Variants in AVL9 observed in about 807,000 individuals in gnomAD.
The protein encoded by AVL9 is AVL9 cell migration associated.
A neutral mutation model predicts 79.2 loss-of-function variants in AVL9; 49 were observed. The observed-to-expected ratio is 0.62, with a 90% confidence interval of 0.49 to 0.79. The LOEUF is 0.79. Ranked by LOEUF, AVL9 falls within the 30% of genes least tolerant of loss-of-function variation. The pLI is 0.00. For synonymous variants in AVL9, 299 were observed against 280.6 expected, an observed-to-expected ratio of 1.07 and a Z score of -0.65; for missense variants, 682 against 776.8, an observed-to-expected ratio of 0.88 and a Z score of 1.45.
At chr7:32,565,705 T>A (rs1189363292) in intron 10 of AVL9, among the ~76,000 whole-genome samples, 3 of 151,196 alleles carry the variant, frequency 2.0e-5, no homozygotes, top group Non-Finnish European at 2.9e-5. Context: ...CTCTACTAAG[T>A]AAAGTCAAAA....
At chr7:32,530,464 C>T (rs765695389) in intron 1 of AVL9, among the ~76,000 whole-genome samples, 4 of 152,152 alleles carry the variant, frequency 2.6e-5, no homozygotes, top group Admixed American at 6.5e-5. Flanking sequence ...CAAATACTTA[C>T]GTTTCAATAA....
chr7:32,548,205 T>C (rs1428824818), intron 3 of AVL9, among the ~76,000 whole-genome samples: 1 of 151,242 alleles, frequency 6.6e-6, no homozygotes, highest in African/African-American at 2.4e-5. Flanking sequence ...TGGAGTGCAG[T>C]GGCGTGATCT....
chr7:32,517,082 C>T (rs1787935312), intron 1 of AVL9, among the ~76,000 whole-genome samples: 1 of 152,072 alleles, frequency 6.6e-6, no homozygotes, highest in South Asian at 2.1e-4. Flanking sequence ...ATTGTTTTTG[C>T]AAACCAATGA....
intron 1 of AVL9, among the ~76,000 whole-genome samples, chr7:32,516,560 G>C (rs1034133450): frequency 3.9e-5 from 6 of 152,114 alleles, no homozygotes; most frequent in African/African-American, 1.2e-4. Flanking sequence ...CCCCAGCAAC[G>C]TGCAGCAGCC....
intron 1 of AVL9, among the ~76,000 whole-genome samples, chr7:32,525,194 T>C (rs1363975809): frequency 6.6e-6 from 1 of 152,224 alleles, no homozygotes; most frequent in Non-Finnish European, 1.5e-5. Context: ...TTAGAACATT[T>C]GGGTGAAGTA....
At chr7:32,549,675 A>T (rs985552281) in intron 4 of AVL9, among the ~76,000 whole-genome samples, 2 of 151,528 alleles carry the variant, frequency 1.3e-5, no homozygotes, top group Admixed American at 6.6e-5. Flanking sequence ...AGCACTTTGG[A>T]AGGCCGAGGT....
chr7:32,569,078 G>A (rs915072951), intron 10 of AVL9, among the ~76,000 whole-genome samples: 2 of 152,082 alleles, frequency 1.3e-5, no homozygotes, highest in Non-Finnish European at 1.5e-5. Flanking sequence ...GTTGCAAAGC[G>A]GATATCCCCT....
chr7:32,555,830 A>G (rs888935440), intron 8 of AVL9, among the ~76,000 whole-genome samples: 3 of 152,182 alleles, frequency 2.0e-5, no homozygotes, highest in Non-Finnish European at 4.4e-5. Flanking sequence ...ACTTTAGTTC[A>G]TTACCTTAAA....
chr7:32,520,867 A>T (rs1788112460), intron 1 of AVL9, among the ~76,000 whole-genome samples: 1 of 152,130 alleles, frequency 6.6e-6, no homozygotes, highest in Non-Finnish European at 1.5e-5. Context: ...ATCTCCCCGA[A>T]TTCACATGTG....
chr7:32,551,244 G>A lies in AVL9; in HGVS notation c.373-90G>A. On this transcript the variant is annotated intron_variant, in intron 4 of 15. Coordinates refer to ENST00000318709, the MANE Select transcript of AVL9 (RefSeq NM_015060.3). ...ACTTTTTTCTCCAAATTAAAAAGTT[G>A]TGGGGTTCTGTTTGTTTTACTATTA... 4.9e-6 allele frequency: 4 copies of A among 812,776 alleles called. No homozygotes were observed. In the South Asian group the frequency reaches 6.5e-5, roughly 13 times the overall value. 50.3% of individuals were successfully genotyped at this position (812,776 alleles called of 1,614,324 possible). A position where few individuals can be genotyped will look rare whatever the true frequency, so the allele number is the denominator to read the frequency against.
intron 15 of AVL9, chr7:32,581,450 A>G (rs537061495): frequency 1.3e-5 from 2 of 152,434 alleles, no homozygotes; most frequent in East Asian, 3.9e-4. Context: ...AACCAGTTTA[A>G]CAACATAAAT....
At chr7:32,519,407 G>A (rs1196964728) in intron 1 of AVL9, among the ~76,000 whole-genome samples, 9 of 148,264 alleles carry the variant, frequency 6.1e-5, no homozygotes, top group Non-Finnish European at 7.4e-5. Context: ...CAGCTTGGGC[G>A]ACAGAGCGAG....
At chr7:32,518,320 T>TA (rs1456333898) in intron 1 of AVL9, among the ~76,000 whole-genome samples, 1 of 152,154 alleles carries the variant, frequency 6.6e-6, no homozygotes, top group Non-Finnish European at 1.5e-5. Context: ...GCAGTTTTCA[T>TA]AAATAGGTAA....
chr7:32,565,206 G>A (rs955798126), intron 10 of AVL9, among the ~76,000 whole-genome samples: 10 of 152,134 alleles, frequency 6.6e-5, no homozygotes, highest in Non-Finnish European at 8.8e-5. Flanking sequence ...CTAGTTACGA[G>A]ATTATTGCCA....
chr7:32,544,554 G>T (rs571446931), intron 2 of AVL9, 140 bp from the exon 3 acceptor site: 45 of 612,510 alleles, frequency 7.3e-5, no homozygotes, highest in Admixed American at 1.2e-4. Flanking sequence ...TGGTTGTGGT[G>T]CTACAAATAA....
At chr7:32,561,640 AAAAC>A (rs1790337835) in intron 10 of AVL9, among the ~76,000 whole-genome samples, 1 of 149,980 alleles carries the variant, frequency 6.7e-6, no homozygotes, top group Non-Finnish European at 1.5e-5. Context: ...ACTGGTTTAA[AAAAC>A]AAAACAAAAC....
At chr7:32,567,710 A>T (rs966660073) in intron 10 of AVL9, among the ~76,000 whole-genome samples, 7 of 149,650 alleles carry the variant, frequency 4.7e-5, no homozygotes, top group Admixed American at 2.7e-4. Flanking sequence ...TTTTATTTTT[A>T]TTTATTTATT....
chr7:32,581,800 G>C (rs945818590), intron 15 of AVL9: 1 of 152,164 alleles, frequency 6.6e-6, no homozygotes, highest in Non-Finnish European at 1.5e-5. Context: ...TGGGTGACAG[G>C]GCAAGAGTCT....
At chr7:32,577,619 C>T (rs964784337) in intron 13 of AVL9, among the ~76,000 whole-genome samples, 2 of 152,106 alleles carry the variant, frequency 1.3e-5, no homozygotes, top group African/African-American at 4.8e-5. Flanking sequence ...CCTCCCTGGG[C>T]CCTGCACTGG....
Sources: allele counts gnomAD v4.1 joint callset (sites outside exome capture counted in the v4.1 genomes callset), GRCh38; gene constraint gnomAD v4.1.1; transcripts MANE v1.5; gene names NCBI Gene and HGNC (gene_info 2026-07-23, HGNC 2026-07-21).